GGNBP2: variants seen among roughly 807,000 people sequenced by gnomAD.
GGNBP2 encodes gametogenetin-binding protein 2.
A neutral mutation model predicts 85.9 loss-of-function variants in GGNBP2; 10 were observed. That is an observed-to-expected ratio of 0.12 (90% CI 0.07 to 0.20). The LOEUF (loss-of-function observed/expected upper bound fraction) is 0.20. GGNBP2 is among the 10% of genes least tolerant of loss of function. The pLI is 1.00. For missense variants in GGNBP2, 595 were observed against 857.8 expected (o/e 0.69, Z 3.83); for synonymous variants, 287 against 285.7 (o/e 1.00, Z -0.05).
At chr17:36,559,159 C>T (rs975660163) in intron 4 of GGNBP2, among the ~76,000 whole-genome samples, 10 of 150,992 alleles carry the variant, frequency 6.6e-5, no homozygotes, top group Admixed American at 1.3e-4. Context: ...ATTAGCCGGG[C>T]GTGGTGGCAG....
chr17:36,562,931 G>A (rs2074432422), intron 5 of GGNBP2, among the ~76,000 whole-genome samples: 2 of 127,864 alleles, frequency 1.6e-5, no homozygotes, highest in Non-Finnish European at 3.2e-5. Flanking sequence ...TGTCGCCTGG[G>A]CGACAGAGCG....
rs376817736 is a variant in GGNBP2, at chr17:36,547,495, A to G, written c.93+1678A>G. On this transcript the variant is annotated intron_variant, in intron 2 of 13. Coordinates refer to ENST00000613102, the MANE Select transcript of GGNBP2 (RefSeq NM_024835.5). ...AGACACTAGTTCTTGGTATATTCAC[A>G]TAACCACCTTTGTGAATGCAGCACA... 15 of 152,378 alleles carry G rather than the reference A, an allele frequency of 9.8e-5. No individual in the cohort carries two copies. The South Asian group carries it at 3.1e-3, about 32-fold the overall frequency. The allele number at this position is 152,378 out of a possible 1,614,324, so 9.4% of individuals were successfully genotyped here. A position where few individuals can be genotyped will look rare whatever the true frequency, so the allele number is the denominator to read the frequency against.
At chr17:36,568,422 G>A (rs2074489652) in intron 6 of GGNBP2, among the ~76,000 whole-genome samples, 1 of 151,954 alleles carries the variant, frequency 6.6e-6, no homozygotes, top group African/African-American at 2.4e-5. Flanking sequence ...TCAGCCTCCT[G>A]AGTAGCTGAG....
intron 6 of GGNBP2, among the ~76,000 whole-genome samples, chr17:36,575,639 TATATATA>T (rs1171918431): frequency 0.06 from 3,761 of 62,888 alleles, 121 homozygotes; most frequent in Non-Finnish European, 0.088. Flanking sequence ...TATATATATA[TATATATA>T]TATTTTTTTT....
intron 1 of GGNBP2, 69 bp downstream of exon 1, chr17:36,545,166 A>AG (rs986088183): frequency 6.5e-6 from 1 of 153,176 alleles, no homozygotes. Flanking sequence ...GATCCCTCCC[A>AG]GGGGCGGGGT....
At chr17:36,573,624 T>C (rs1158278414) in intron 6 of GGNBP2, among the ~76,000 whole-genome samples, 1 of 152,210 alleles carries the variant, frequency 6.6e-6, no homozygotes, top group Non-Finnish European at 1.5e-5. Flanking sequence ...CTGTACCGTT[T>C]TATATTCCTG....
At chr17:36,587,285 G>A (rs2142793058) in intron 13 of GGNBP2, 40 bp downstream of exon 13, 1 of 1,603,070 alleles carries the variant, frequency 6.2e-7, no homozygotes, top group South Asian at 1.1e-5. Flanking sequence ...TAACTGTTTG[G>A]GAACGGGGTG....
chr17:36,548,029 T>C (rs550034801), intron 2 of GGNBP2, among the ~76,000 whole-genome samples: 3 of 152,344 alleles, frequency 2.0e-5, no homozygotes, highest in African/African-American at 7.2e-5. Flanking sequence ...TATCAGAGTT[T>C]TATGCTCTGC....
Position 36,589,715 on chromosome 17 carries a change from T to C in GGNBP2, c.*304T>C. 1 of 354,878 alleles carries C rather than the reference T, an allele frequency of 2.8e-6. No individual in the cohort carries two copies. Among genetic ancestry groups the C allele is most frequent in the Non-Finnish European group, 5.1e-6 (1 of 195,966 alleles). The allele number at this position is 354,878 out of a possible 1,614,324, so 22.0% of individuals were successfully genotyped here. A position where few individuals can be genotyped will look rare whatever the true frequency, so the allele number is the denominator to read the frequency against. On this transcript the variant is annotated 3_prime_UTR_variant, in exon 14 of 14. Transcript: ENST00000613102. ...AAAAGTAATGTTGTACTTATAATTCTGTACAGAAATGACAATGAGCTGAAT... is the reference window on the plus strand; with the variant it reads ...AAAAGTAATGTTGTACTTATAATTCCGTACAGAAATGACAATGAGCTGAAT...
At chr17:36,575,004 G>A (rs2074562228) in intron 6 of GGNBP2, 3 of 1,531,738 alleles carry the variant, frequency 2.0e-6, no homozygotes, top group Admixed American at 3.8e-5. Flanking sequence ...GTCTGCTTCT[G>A]CACTGGCATA....
chr17:36,571,549 C>CA (rs1160651745), intron 6 of GGNBP2, among the ~76,000 whole-genome samples: 6 of 151,296 alleles, frequency 4.0e-5, no homozygotes, highest in East Asian at 2.0e-4. Context: ...CTCCATCTCA[C>CA]AAAAAAAACA....
At chr17:36,549,959 A>T (rs1019643570) in intron 2 of GGNBP2, among the ~76,000 whole-genome samples, 5 of 148,350 alleles carry the variant, frequency 3.4e-5, no homozygotes, top group Admixed American at 6.7e-5. Context: ...TTTTTTCGAG[A>T]TGGAGTCTCA....
Position 36,585,398 on chromosome 17 carries a change from A to G in GGNBP2, c.1314A>G (p.Ser438=). 1 of 1,612,420 alleles carries G rather than the reference A, an allele frequency of 6.2e-7. No homozygotes were observed. The highest frequency in any genetic ancestry group is 8.5e-7 in the Non-Finnish European group (1 of 1,178,662). The part of the protein sequence containing the change: ...VEVIVTNENT[S]CTCPSSGNLL... ...TAATTGTTACCAATGAAAATACATC[A>G]TGTACCTGTCCTAGCAGTGGCAATC... The change falls in exon 10 of 14, where the codon TCA becomes TCG. Residue 438 remains serine (S), a synonymous_variant. Coordinates refer to ENST00000613102, the MANE Select transcript of GGNBP2 (RefSeq NM_024835.5).
At chr17:36,550,582 T>G (rs1049583362) in intron 2 of GGNBP2, among the ~76,000 whole-genome samples, 2 of 152,236 alleles carry the variant, frequency 1.3e-5, no homozygotes, top group African/African-American at 4.8e-5. Flanking sequence ...CTTAGTATAT[T>G]GTTGGTTAGA....
At position 36,583,913 on chromosome 17, in the gene GGNBP2, C is replaced by T. The variant is rs79728513; in HGVS notation, c.1216-1387C>T. Among the ~76,000 whole-genome samples, 7 of 152,250 alleles carry T rather than the reference C, an allele frequency of 4.6e-5. No individual in the cohort carries two copies. The South Asian group carries it at 1.0e-3, about 23-fold the overall frequency. On this transcript the variant is annotated intron_variant, in intron 9 of 13. Transcript: ENST00000613102. The stretch of plus-strand genomic sequence containing the variant: ...TTTTGTACTCTGTTAAATTAGAATC[C>T]GTTGGACTATATTGGACTTTGAATA...
chr17:36,559,353 G>A (rs1191876825), intron 4 of GGNBP2, among the ~76,000 whole-genome samples: 5 of 151,426 alleles, frequency 3.3e-5, no homozygotes, highest in Admixed American at 3.3e-4. Context: ...TTACCGAGAG[G>A]GACGAGACTG....
intron 2 of GGNBP2, 138 bp downstream of exon 2, chr17:36,545,955 C>T: frequency 1.6e-6 from 1 of 622,192 alleles, no homozygotes; most frequent in Non-Finnish European, 2.8e-6. Context: ...TTCAGCAGGC[C>T]CCACAAACTC....
At chr17:36,586,905 C>T in intron 12 of GGNBP2, 92 bp from the exon 13 acceptor site, 1 of 1,267,522 alleles carries the variant, frequency 7.9e-7, no homozygotes, top group Non-Finnish European at 1.1e-6. Context: ...AGGCATGAGC[C>T]ACCGTGCCCC....
intron 1 of GGNBP2, 46 bp from the exon 2 acceptor site, chr17:36,545,573 C>T (rs2142651243): frequency 4.8e-6 from 3 of 624,162 alleles, no homozygotes; most frequent in Non-Finnish European, 5.7e-6. Flanking sequence ...GGCGAATGTG[C>T]TGCGCAGCGG....
Sources: gnomAD v4.1 joint callset for allele counts (sites outside exome capture counted in the v4.1 genomes callset) on GRCh38, gnomAD v4.1.1 for gene constraint, MANE v1.5 for transcripts, NCBI Gene and HGNC (gene_info 2026-07-23, HGNC 2026-07-21) for gene names.